The following SPATS2L variants were observed in gnomAD, a reference collection of about 807,000 sequenced individuals.
SPATS2L encodes spermatogenesis associated serine rich 2 like, also known as SPATS2-like protein.
A neutral mutation model predicts 59.6 loss-of-function variants in SPATS2L; 30 were observed. That is an observed-to-expected ratio of 0.50 (90% confidence interval 0.38 to 0.68). SPATS2L has a LOEUF of 0.68. SPATS2L is among the 30% of genes least tolerant of loss of function. The probability of loss-of-function intolerance (pLI) is 0.00; values close to 1 mark genes in which losing one functional copy is unlikely to be tolerated. For synonymous variants in SPATS2L, 252 were observed against 263.5 expected (o/e 0.96, Z 0.42); for missense variants, 615 against 700.0 (o/e 0.88, Z 1.37).
At chr2:200,422,183 G>T (rs1238964416) in intron 6 of SPATS2L, among the ~76,000 whole-genome samples, 2 of 152,218 alleles carry the variant, frequency 1.3e-5, no homozygotes, top group African/African-American at 2.4e-5. Context: ...GAGGTGTGTT[G>T]GTATTATTTG....
intron 9 of SPATS2L, among the ~76,000 whole-genome samples, chr2:200,462,835 A>G (rs915381295): frequency 2.0e-5 from 3 of 152,144 alleles, no homozygotes; most frequent in African/African-American, 7.2e-5. Flanking sequence ...ATGAGAGGGG[A>G]GAATCACTTG....
At chr2:200,435,910 A>G (rs2106084958) in intron 6 of SPATS2L, among the ~76,000 whole-genome samples, 1 of 152,190 alleles carries the variant, frequency 6.6e-6, no homozygotes, top group East Asian at 1.9e-4. Context: ...TGTATCAAAA[A>G]TATCATTTCA....
chr2:200,448,022 T>A (rs1176222156), intron 8 of SPATS2L, among the ~76,000 whole-genome samples: 1 of 152,178 alleles, frequency 6.6e-6, no homozygotes, highest in Non-Finnish European at 1.5e-5. Flanking sequence ...GTACAGTCCT[T>A]TAGTCCCAGC....
chr2:200,419,533 T>G (rs1193070857), intron 6 of SPATS2L, 37 bp downstream of exon 6: 2 of 1,609,212 alleles, frequency 1.2e-6, no homozygotes, highest in Admixed American at 1.7e-5. Context: ...TAGGAAGGCA[T>G]AGATGAAAAG....
intron 2 of SPATS2L, among the ~76,000 whole-genome samples, chr2:200,386,285 C>G (rs763594546): frequency 4.5e-4 from 69 of 152,066 alleles, no homozygotes; most frequent in Non-Finnish European, 8.1e-4. Flanking sequence ...ATTTTCCCAT[C>G]TGAGAAAATA....
At chr2:200,417,039 G>A (rs1294882351) in intron 5 of SPATS2L, among the ~76,000 whole-genome samples, 1 of 152,202 alleles carries the variant, frequency 6.6e-6, no homozygotes, top group Non-Finnish European at 1.5e-5. Context: ...GAGTCACAAA[G>A]GGCCTGGGAT....
At chr2:200,330,805 G>A (rs1004217663) in intron 2 of SPATS2L, among the ~76,000 whole-genome samples, 1 of 152,204 alleles carries the variant, frequency 6.6e-6, no homozygotes, top group African/African-American at 2.4e-5. Flanking sequence ...CCAGCTGCCT[G>A]TCACTAATCA....
chr2:200,468,875 A>G (rs1173083500), intron 10 of SPATS2L, among the ~76,000 whole-genome samples: 1 of 152,244 alleles, frequency 6.6e-6, no homozygotes, highest in Non-Finnish European at 1.5e-5. Context: ...TAAAATTGCT[A>G]GCTTCCTGAT....
chr2:200,340,877 A>T (rs2080301803), intron 2 of SPATS2L, among the ~76,000 whole-genome samples: 1 of 152,190 alleles, frequency 6.6e-6, no homozygotes, highest in South Asian at 2.1e-4. Context: ...GAGCCATTTT[A>T]TCCAATTCAG....
At chr2:200,334,112 C>G (rs1263553850) in intron 2 of SPATS2L, among the ~76,000 whole-genome samples, 1 of 152,208 alleles carries the variant, frequency 6.6e-6, no homozygotes, top group African/African-American at 2.4e-5. Context: ...AGTTTATAGT[C>G]CCACCAACAG....
intron 9 of SPATS2L, among the ~76,000 whole-genome samples, chr2:200,464,477 A>G (rs1204808711): frequency 2.6e-5 from 4 of 152,166 alleles, no homozygotes; most frequent in Non-Finnish European, 5.9e-5. Context: ...TTTGGTATGA[A>G]TGCCCAAGTT....
At chr2:200,342,954 G>A (rs748938445) in intron 2 of SPATS2L, among the ~76,000 whole-genome samples, 2 of 152,122 alleles carry the variant, frequency 1.3e-5, no homozygotes, top group African/African-American at 2.4e-5. Flanking sequence ...GAATATAAAT[G>A]AATAAATAAA....
intron 3 of SPATS2L, among the ~76,000 whole-genome samples, chr2:200,397,534 T>C (rs1464975652): frequency 6.6e-6 from 1 of 152,122 alleles, no homozygotes; most frequent in African/African-American, 2.4e-5. Flanking sequence ...TTATTGTTTG[T>C]ATTATTATTA....
intron 6 of SPATS2L, among the ~76,000 whole-genome samples, chr2:200,429,294 G>T (rs2083764602): frequency 6.6e-6 from 1 of 152,162 alleles, no homozygotes; most frequent in Non-Finnish European, 1.5e-5. Flanking sequence ...CTACTAGAAG[G>T]GGTAAAAGAG....
chr2:200,459,913 TG>T, intron 9 of SPATS2L, 86 bp downstream of exon 9: 1 of 995,722 alleles, frequency 1.0e-6, no homozygotes, highest in Non-Finnish European at 1.5e-6. Flanking sequence ...TACCGGCTTC[TG>T]AACAGGGTCC....
At chr2:200,457,456 A>G (rs1466303902) in intron 8 of SPATS2L, among the ~76,000 whole-genome samples, 1 of 152,248 alleles carries the variant, frequency 6.6e-6, no homozygotes, top group Non-Finnish European at 1.5e-5. Flanking sequence ...AAGTTGGGGC[A>G]GAGATGGGAT....
In SPATS2L at chr2:200,389,264, A is replaced by G; in HGVS notation, c.20A>G (p.His7Arg). The G allele has an allele frequency of 1.3e-6, 2 of 1,584,996 alleles. No homozygotes were observed. Among genetic ancestry groups the G allele is most frequent in the Non-Finnish European group, 1.7e-6 (2 of 1,163,448 alleles). ...AGCAAGATGGCTGAACTCAATACTCATGTGAATGTCAAGGAAAAGGTAAGA... is the reference window on the plus strand; with the variant it reads ...AGCAAGATGGCTGAACTCAATACTCGTGTGAATGTCAAGGAAAAGGTAAGA... MAELNT[H>R]VNVKEKIYAV... The change falls in exon 3 of 13, where the codon CAT becomes CGT. Residue 7 changes from histidine (H) to arginine (R), a missense_variant. His to Arg is a conservative substitution (Grantham distance 29). Transcript: ENST00000409140.
At chr2:200,410,835 G>A (rs2082851902) in intron 3 of SPATS2L, among the ~76,000 whole-genome samples, 1 of 152,080 alleles carries the variant, frequency 6.6e-6, no homozygotes. Context: ...TTGATTGCTT[G>A]TCAGATAATA....
At chr2:200,322,572 G>T (rs907792217) in intron 1 of SPATS2L, among the ~76,000 whole-genome samples, 2 of 152,220 alleles carry the variant, frequency 1.3e-5, no homozygotes, top group Non-Finnish European at 2.9e-5. Context: ...CTGACAAGTT[G>T]TCTTTAAAAA....
Sources: gnomAD v4.1 joint callset for allele counts (sites outside exome capture counted in the v4.1 genomes callset) on GRCh38, gnomAD v4.1.1 for gene constraint, MANE v1.5 for transcripts, NCBI Gene and HGNC (gene_info 2026-07-23, HGNC 2026-07-21) for gene names.